Variants in TMC1 observed in about 807,000 individuals in gnomAD.
TMC1 encodes the protein transmembrane channel like 1.
TMC1 carries 84 observed loss-of-function variants against 105.8 expected under a neutral mutation model. That is an observed-to-expected ratio of 0.79 (90% CI 0.67 to 0.95). The LOEUF (loss-of-function observed/expected upper bound fraction) is 0.95. TMC1 is among the 40% of genes least tolerant of loss of function. The pLI, the probability that TMC1 is intolerant of heterozygous loss-of-function variation, is 0.00. For synonymous variants in TMC1, 315 were observed against 311.5 expected (o/e 1.01, Z -0.12); for missense variants, 817 against 914.1 (o/e 0.89, Z 1.37).
chr9:72,573,098 G>A (rs1824315846), intron 1 of TMC1, among the ~76,000 whole-genome samples: 1 of 152,104 alleles, frequency 6.6e-6, no homozygotes, highest in African/African-American at 2.4e-5. Context: ...GTTGAATTTT[G>A]TTTTCCAGAT....
intron 2 of TMC1, among the ~76,000 whole-genome samples, chr9:72,602,133 T>A (rs1824825807): frequency 6.6e-6 from 1 of 152,082 alleles, no homozygotes. Flanking sequence ...AATTTCAGAT[T>A]TCAGATGTTT....
chr9:72,779,526 C>G (rs890851743), intron 13 of TMC1, among the ~76,000 whole-genome samples: 2 of 152,098 alleles, frequency 1.3e-5, no homozygotes, highest in South Asian at 4.1e-4. Flanking sequence ...TCCAGTAAAA[C>G]AATACAAGAG....
intron 1 of TMC1, among the ~76,000 whole-genome samples, chr9:72,565,797 A>C (rs567842232): frequency 1.3e-5 from 2 of 152,198 alleles, no homozygotes; most frequent in Non-Finnish European, 1.5e-5. Flanking sequence ...TGCCCTTTAT[A>C]AAACCATCGG....
chr9:72,561,336 AAAAAG>A, intron 1 of TMC1, among the ~76,000 whole-genome samples: 1 of 151,770 alleles, frequency 6.6e-6, no homozygotes, highest in South Asian at 2.1e-4. Context: ...AAAAAAAAAA[AAAAAG>A]AGAGAGAGAA....
At chr9:72,610,318 C>G (rs1430806882) in intron 2 of TMC1, among the ~76,000 whole-genome samples, 1 of 152,066 alleles carries the variant, frequency 6.6e-6, no homozygotes, top group African/African-American at 2.4e-5. Context: ...GAAATTGGCT[C>G]ACATGATTGT....
chr9:72,830,349 A>G, intron 21 of TMC1, 102 bp from the exon 22 acceptor site: 1 of 838,464 alleles, frequency 1.2e-6, no homozygotes, highest in East Asian at 2.6e-5. Flanking sequence ...CTTAATGTTC[A>G]TTCCCATGCT....
chr9:72,810,992 A>G (rs1489354201), intron 18 of TMC1, among the ~76,000 whole-genome samples: 1 of 152,074 alleles, frequency 6.6e-6, no homozygotes, highest in Non-Finnish European at 1.5e-5. Context: ...CTCTGTAGAG[A>G]CTCTGCAGAT....
intron 5 of TMC1, among the ~76,000 whole-genome samples, chr9:72,660,214 A>AT (rs986449197): frequency 6.6e-6 from 1 of 151,926 alleles, no homozygotes; most frequent in African/African-American, 2.4e-5. Context: ...AATAGTGACT[A>AT]TTTTTCTGAT....
chr9:72,633,619 G>A (rs952725401), intron 4 of TMC1, among the ~76,000 whole-genome samples: 3 of 152,126 alleles, frequency 2.0e-5, no homozygotes, highest in African/African-American at 7.2e-5. Flanking sequence ...CGTTTGAGGT[G>A]AGGATTAAAT....
chr9:72,796,009 TC>T (rs1291872737), intron 17 of TMC1, among the ~76,000 whole-genome samples: 2 of 149,924 alleles, frequency 1.3e-5, no homozygotes, highest in Non-Finnish European at 3.0e-5. Context: ...AAATTAAAAT[TC>T]CCAATTTCAA....
At chr9:72,728,734 TGTGGTC>T (rs1827161734) in intron 8 of TMC1, among the ~76,000 whole-genome samples, 1 of 152,134 alleles carries the variant, frequency 6.6e-6, no homozygotes, top group East Asian at 1.9e-4. Context: ...GGGAAACCTG[TGTGGTC>T]TCCTCTCTCT....
intron 19 of TMC1, 98 bp downstream of exon 19, chr9:72,816,308 G>T (rs192513292): frequency 5.9e-5 from 70 of 1,183,030 alleles, no homozygotes; most frequent in Non-Finnish European, 5.9e-5. Flanking sequence ...GAATACAATC[G>T]GTGTCTAACT....
chr9:72,715,548 C>T (rs751514376), intron 8 of TMC1, among the ~76,000 whole-genome samples: 8 of 151,970 alleles, frequency 5.3e-5, no homozygotes, highest in East Asian at 1.9e-4. Context: ...TCTGCTTGAT[C>T]GATTCGGCTA....
chr9:72,764,342 A>G (rs759210096), intron 12 of TMC1, among the ~76,000 whole-genome samples: 1 of 152,290 alleles, frequency 6.6e-6, no homozygotes, highest in South Asian at 2.1e-4. Context: ...CAGCAAATTT[A>G]TAACTCCAGA....
chr9:72,640,077 GC>G (rs1002874539), intron 4 of TMC1, among the ~76,000 whole-genome samples: 10 of 152,050 alleles, frequency 6.6e-5, no homozygotes, highest in Non-Finnish European at 1.5e-4. Context: ...TTAACACAGT[GC>G]CCAGCACAGA....
chr9:72,619,495 GAA>G (rs143734449), intron 3 of TMC1, among the ~76,000 whole-genome samples: 7,943 of 152,064 alleles, frequency 0.052, 446 homozygotes, highest in African/African-American at 0.14. Context: ...TCCATAAAAA[GAA>G]AACTGAATGA....
intron 7 of TMC1, among the ~76,000 whole-genome samples, chr9:72,697,498 A>G (rs992440388): frequency 2.0e-5 from 3 of 152,150 alleles, no homozygotes; most frequent in African/African-American, 7.2e-5. Flanking sequence ...TAGAAAAGGG[A>G]TTCTTAAAGA....
intron 5 of TMC1, among the ~76,000 whole-genome samples, chr9:72,656,645 A>G (rs1046102187): frequency 2.6e-5 from 4 of 152,124 alleles, no homozygotes; most frequent in African/African-American, 9.7e-5. Flanking sequence ...TATTTTCCCT[A>G]CTTCTTTGCT....
intron 10 of TMC1, among the ~76,000 whole-genome samples, chr9:72,743,656 T>C (rs866147617): frequency 6.6e-6 from 1 of 151,530 alleles, no homozygotes; most frequent in Non-Finnish European, 1.5e-5. Context: ...GCAATAGTCA[T>C]CCAGGAGCTT....
Sources: gnomAD v4.1 joint callset for allele counts (sites outside exome capture counted in the v4.1 genomes callset) on GRCh38, gnomAD v4.1.1 for gene constraint, MANE v1.5 for transcripts, NCBI Gene and HGNC (gene_info 2026-07-23, HGNC 2026-07-21) for gene names.